Variants in JMJD1C observed in about 807,000 individuals in gnomAD.
The protein encoded by JMJD1C is jumonji domain-containing protein 1C.
A neutral mutation model predicts 245.3 loss-of-function variants in JMJD1C; 31 were observed. The observed-to-expected ratio is 0.13, with a 90% CI of 0.09 to 0.17. The LOEUF is 0.17. JMJD1C is among the 10% of genes least tolerant of loss of function. JMJD1C has a pLI of 1.00. For missense variants in JMJD1C, 2,691 were observed against 3,000.2 expected, an observed-to-expected ratio of 0.90 and a Z score of 2.41; for synonymous variants, 1,057 against 1,017.4, an observed-to-expected ratio of 1.04 and a Z score of -0.74.
chr10:63,499,851 C>A (rs1259489742), intron 1 of JMJD1C, among the ~76,000 whole-genome samples: 2 of 152,132 alleles, frequency 1.3e-5, no homozygotes, highest in African/African-American at 2.4e-5. Flanking sequence ...AGAAGAAAAT[C>A]ATTATTGAAT....
intron 1 of JMJD1C, among the ~76,000 whole-genome samples, chr10:63,400,313 C>A (rs1332804488): frequency 6.6e-6 from 1 of 152,064 alleles, no homozygotes; most frequent in African/African-American, 2.4e-5. Context: ...TTGACAAAAC[C>A]CCATTATAGG....
intron 3 of JMJD1C, among the ~76,000 whole-genome samples, chr10:63,240,155 G>A (rs1173640628): frequency 6.6e-6 from 1 of 152,168 alleles, no homozygotes; most frequent in African/African-American, 2.4e-5. Flanking sequence ...TGGTAGAGCA[G>A]AGAGGTCTGG....
chr10:63,209,264 C>G lies in JMJD1C; in HGVS notation c.2695-29G>C, dbSNP rs1377931118. 3 of 1,561,720 alleles carry G rather than the reference C, an allele frequency of 1.9e-6. No homozygotes were observed. In the Admixed American group the frequency reaches 5.6e-5, roughly 29 times the overall value. ...TTAACAAAACAAAACAAAAAAAACA[C>G]CTAGATTTCAGTTACTAGAAAAAGC... On this transcript the variant is annotated intron_variant, in intron 8 of 25. Coordinates refer to ENST00000399262, the MANE Select transcript of JMJD1C (RefSeq NM_032776.3).
At chr10:63,417,555 G>C (rs1370261812) in intron 1 of JMJD1C, among the ~76,000 whole-genome samples, 3 of 152,130 alleles carry the variant, frequency 2.0e-5, no homozygotes, top group East Asian at 1.9e-4. Flanking sequence ...GAAAAATCAA[G>C]TGACTACACA....
chr10:63,198,807 TTA>T lies in JMJD1C; in HGVS notation c.5277-82_5277-81del, dbSNP rs1382207437. The stretch of plus-strand genomic sequence containing the variant: ...AGTCTTTAAAATTGTAAATTTATAA[TTA>T]TGTTTACATTGCATTATAAAATATG... On this transcript the variant is annotated intron_variant, in intron 11 of 25. Transcript: ENST00000399262. 188 of 760,878 alleles carry T rather than the reference TTA, an allele frequency of 2.5e-4. 2 individuals carry two copies. In the East Asian group the frequency reaches 5.1e-3, roughly 21 times the overall value. 47.1% of individuals were successfully genotyped at this position (760,878 alleles called of 1,614,324 possible).
intron 1 of JMJD1C, among the ~76,000 whole-genome samples, chr10:63,480,371 T>A: frequency 6.6e-6 from 1 of 151,128 alleles, no homozygotes. Context: ...CAGGCTTGAG[T>A]GCAGTGGTAC....
At chr10:63,373,609 TA>T (rs1002408128) in intron 2 of JMJD1C, among the ~76,000 whole-genome samples, 17 of 152,294 alleles carry the variant, frequency 1.1e-4, no homozygotes, top group Admixed American at 2.6e-4. Flanking sequence ...CAAACATGTT[TA>T]AATACAAAAG....
intron 22 of JMJD1C, among the ~76,000 whole-genome samples, chr10:63,179,854 A>G (rs1843262524): frequency 6.6e-6 from 1 of 152,182 alleles, no homozygotes; most frequent in South Asian, 2.1e-4. Context: ...TGAGCAAAAA[A>G]ACTCAGAAAG....
chr10:63,490,419 T>TTA (rs1429634646), intron 1 of JMJD1C, among the ~76,000 whole-genome samples: 6 of 71,954 alleles, frequency 8.3e-5, no homozygotes, highest in South Asian at 5.1e-4. Flanking sequence ...ATTTATTTAT[T>TTA]TTATTTTTTT....
chr10:63,503,662 G>C (rs1164124218), intron 1 of JMJD1C, among the ~76,000 whole-genome samples: 1 of 152,200 alleles, frequency 6.6e-6, no homozygotes, highest in Non-Finnish European at 1.5e-5. Context: ...GCTCTCACCA[G>C]CACGAGCTGA....
At chr10:63,477,841 G>T (rs563307702) in intron 1 of JMJD1C, among the ~76,000 whole-genome samples, 7 of 151,958 alleles carry the variant, frequency 4.6e-5, no homozygotes, top group Non-Finnish European at 8.8e-5. Flanking sequence ...TCTGATAGAG[G>T]ATTAATATCT....
At chr10:63,520,218 CAT>C (rs1448446967) in intron 1 of JMJD1C, among the ~76,000 whole-genome samples, 3 of 152,110 alleles carry the variant, frequency 2.0e-5, no homozygotes, top group Admixed American at 6.5e-5. Context: ...ATTTCCTAAA[CAT>C]ATTATTTAGC....
rs1378998329 is a variant in JMJD1C at position 63,168,456 on chromosome 10, G to T, written c.7512C>A (p.Ile2504=). Reference sequence around the variant, plus strand: ...TTACCTGTAGTTTATCATCATAATTGATTTCTTCCTTCAAAAGTCTCAGTT... The same window carrying T: ...TTACCTGTAGTTTATCATCATAATTTATTTCTTCCTTCAAAAGTCTCAGTT... The part of the protein sequence containing the change: ...TQELRLLKEE[I]NYDDKLQVKN... The change falls in exon 25 of 26, where the codon ATC becomes ATA. Residue 2504 remains isoleucine (I), a synonymous_variant. Coordinates refer to ENST00000399262, the MANE Select transcript of JMJD1C (RefSeq NM_032776.3). The T allele has an allele frequency of 1.2e-6, 2 of 1,608,674 alleles. No individual in the cohort carries two copies. The highest frequency in any genetic ancestry group is 1.1e-5 in the South Asian group (1 of 89,998).
At chr10:63,504,849 C>T (rs368012409) in intron 1 of JMJD1C, among the ~76,000 whole-genome samples, 81 of 152,220 alleles carry the variant, frequency 5.3e-4, no homozygotes, top group African/African-American at 1.9e-3. Context: ...GACCCTGTCT[C>T]TACAAAAAAT....
At chr10:63,454,302 C>T (rs1395374120) in intron 1 of JMJD1C, among the ~76,000 whole-genome samples, 1 of 151,634 alleles carries the variant, frequency 6.6e-6, no homozygotes, top group African/African-American at 2.4e-5. Flanking sequence ...CTCTGTCACC[C>T]AGGCTGGAGT....
intron 2 of JMJD1C, among the ~76,000 whole-genome samples, chr10:63,311,492 T>C (rs1023475638): frequency 5.3e-5 from 8 of 152,158 alleles, no homozygotes; most frequent in African/African-American, 1.9e-4. Context: ...TACTCCAACA[T>C]TGTGTCTAAA....
At chr10:63,258,045 T>C (rs1439768961) in intron 3 of JMJD1C, among the ~76,000 whole-genome samples, 1 of 151,786 alleles carries the variant, frequency 6.6e-6, no homozygotes, top group Non-Finnish European at 1.5e-5. Context: ...GAGAAAGGAG[T>C]TTCAAATATC....
intron 1 of JMJD1C, among the ~76,000 whole-genome samples, chr10:63,442,157 A>C (rs1951427347): frequency 6.6e-6 from 1 of 152,230 alleles, no homozygotes; most frequent in East Asian, 1.9e-4. Flanking sequence ...AGACTGATCT[A>C]ATCAAGAGTT....
chr10:63,176,293 A>C lies in JMJD1C; in HGVS notation c.7401+4T>G. 2 of 1,606,654 alleles carry C rather than the reference A, an allele frequency of 1.2e-6. No homozygotes were observed. The highest frequency in any genetic ancestry group is 1.7e-6 in the Non-Finnish European group (2 of 1,176,244). ...AAATATGTTAGAAATAAGTTTGTAT[A>C]TACCTGATGAAGTGCTCCCGCTGGC... On this transcript the variant is annotated splice_donor_region_variant and intron_variant, in intron 24 of 25. Transcript: ENST00000399262.
Sources: gnomAD v4.1 joint callset for allele counts (sites outside exome capture counted in the v4.1 genomes callset) on GRCh38, gnomAD v4.1.1 for gene constraint, MANE v1.5 for transcripts, NCBI Gene and HGNC (gene_info 2026-07-23, HGNC 2026-07-21) for gene names.